The following LRP2 variants were observed in gnomAD, a reference collection of about 807,000 sequenced individuals.
LRP2 encodes low-density lipoprotein receptor-related protein 2.
Under a neutral mutation model 531.0 loss-of-function variants are expected in LRP2, and 172 were observed. The ratio of observed to expected loss-of-function variants is 0.32; its 90% CI spans 0.29 to 0.37. The LOEUF is 0.37. LRP2 is among the 10% of genes least tolerant of loss of function. LRP2 has a pLI of 1.00. For missense variants in LRP2, 5,167 were observed against 5,868.3 expected, an observed-to-expected ratio of 0.88 and a Z score of 3.90; for synonymous variants, 1,992 against 2,027.6, an observed-to-expected ratio of 0.98 and a Z score of 0.47.
At chr2:169,342,172 C>A (rs1252815495) in intron 1 of LRP2, among the ~76,000 whole-genome samples, 2 of 148,396 alleles carry the variant, frequency 1.3e-5, no homozygotes, top group East Asian at 2.0e-4. Context: ...AGACAGCAAG[C>A]TGGAAATTTT....
rs1040465664 is a variant in LRP2 at position 169,207,090 on chromosome 2, C to T, written c.6630G>A (p.Gly2210=). The T allele has an allele frequency of 2.5e-6, 4 of 1,613,104 alleles. No homozygotes were observed. The South Asian group carries it at 3.3e-5, about 13-fold the overall frequency. ...AAGAACGCTCAATCTTTGGTCTCTG[C>T]CCATAGTCAGCCCAGAAGAGGTATC... ...KNRYLFWADY[G]QRPKIERSFL... Residue 2210 remains glycine (G), a synonymous_variant, in exon 39 of 79, where the codon GGG becomes GGA. Transcript: ENST00000649046.
chr2:169,178,373 C>T (rs559764896), intron 52 of LRP2, among the ~76,000 whole-genome samples: 1 of 152,248 alleles, frequency 6.6e-6, no homozygotes, highest in South Asian at 2.1e-4. Flanking sequence ...CATTAAGCAC[C>T]CTTTTGATAT....
chr2:169,238,007 G>T, intron 27 of LRP2, 84 bp downstream of exon 27: 1 of 1,130,894 alleles, frequency 8.8e-7, no homozygotes. Context: ...GATGAGGTAG[G>T]GCCTTCTCTC....
At chr2:169,235,764 G>C (rs1689581836) in intron 29 of LRP2, 76 bp downstream of exon 29, 1 of 1,152,982 alleles carries the variant, frequency 8.7e-7, no homozygotes, top group Non-Finnish European at 1.3e-6. Context: ...TAATTTCTTA[G>C]CTTTTCTGAT....
rs1367796192 is a variant in LRP2, at chr2:169,185,666, T to C, written c.9682A>G (p.Asn3228Asp). 1 of 1,614,198 alleles carries C rather than the reference T, an allele frequency of 6.2e-7. No individual in the cohort carries two copies. Among genetic ancestry groups the C allele is most frequent in the Non-Finnish European group, 8.5e-7 (1 of 1,180,020 alleles). Residue 3228 changes from asparagine (N) to aspartate (D), a missense_variant, in exon 50 of 79, where the codon AAT (asparagine) becomes GAT (aspartate). Physicochemically the swap from Asn to Asp is conservative, Grantham distance 23. Coordinates refer to ENST00000649046, the MANE Select transcript of LRP2 (RefSeq NM_004525.3). ...FYSLILEGLDNVVALDFDRVE... is the reference protein window; with the variant it reads ...FYSLILEGLDDVVALDFDRVE... ...CGGTCAAAATCTAATGCCACAACAT[T>C]GTCCAGTCCTTCCAAGATGAGGGAG... is the stretch of plus-strand genomic sequence containing the variant.
intron 1 of LRP2, among the ~76,000 whole-genome samples, chr2:169,326,146 C>G (rs1685044973): frequency 1.4e-5 from 1 of 73,174 alleles, no homozygotes. Flanking sequence ...CTCCCTCTCC[C>G]TCTCCCTCTC....
intron 76 of LRP2, among the ~76,000 whole-genome samples, chr2:169,134,611 C>G (rs1685424703): frequency 6.6e-6 from 1 of 152,162 alleles, no homozygotes; most frequent in African/African-American, 2.4e-5. Context: ...ATCATTGAGG[C>G]TACCGCTCTG....
intron 1 of LRP2, among the ~76,000 whole-genome samples, chr2:169,353,626 T>G (rs1574283897): frequency 6.6e-6 from 1 of 152,294 alleles, no homozygotes; most frequent in East Asian, 1.9e-4. Flanking sequence ...GATTAAAATG[T>G]GGGTAGGATT....
intron 34 of LRP2, among the ~76,000 whole-genome samples, chr2:169,219,935 C>T (rs534486279): frequency 1.8e-4 from 27 of 152,254 alleles, no homozygotes; most frequent in African/African-American, 5.5e-4. Context: ...TGTTGTATCT[C>T]CCATGTGGTC....
At position 169,233,403 on chromosome 2, in the gene LRP2, T is replaced by A; in HGVS notation, c.5098+8A>T. 1 of 1,614,144 alleles carries A rather than the reference T, an allele frequency of 6.2e-7. No individual in the cohort carries two copies. Among genetic ancestry groups the A allele is most frequent in the Non-Finnish European group, 8.5e-7 (1 of 1,179,982 alleles). ...CTCCCAGGCAGGATGTTTCTCTGTA[T>A]CACTCACAATTTGGTTGTTTCGAAG... On this transcript the variant is annotated splice_region_variant and intron_variant, in intron 30 of 78. Coordinates refer to ENST00000649046, the MANE Select transcript of LRP2 (RefSeq NM_004525.3).
In LRP2 at chr2:169,279,488, T is replaced by A. The variant is rs774205061; in HGVS notation, c.1449A>T (p.Leu483=). The part of the protein sequence containing the change: ...AVDWVNNKIY[L]VETKVNRIDM... The stretch of plus-strand genomic sequence containing the variant: ...CTATGCGGTTGACCTTGGTTTCCAC[T>A]AGATAGATTTTATTATTAACCCAGT... The change falls in exon 12 of 79, where the codon CTA becomes CTT. Residue 483 remains leucine (L), a synonymous_variant. Coordinates refer to ENST00000649046, the MANE Select transcript of LRP2 (RefSeq NM_004525.3). The A allele has an allele frequency of 6.2e-7, 1 of 1,613,816 alleles. No individual in the cohort carries two copies.
At chr2:169,171,924 G>A in intron 58 of LRP2, 91 bp downstream of exon 58, 2 of 1,442,236 alleles carry the variant, frequency 1.4e-6, no homozygotes, top group Non-Finnish European at 1.9e-6. Context: ...TACCCATTGA[G>A]GATCAATGAC....
chr2:169,269,228 T>C (rs1285883343), intron 16 of LRP2, among the ~76,000 whole-genome samples: 1 of 152,164 alleles, frequency 6.6e-6, no homozygotes, highest in East Asian at 1.9e-4. Flanking sequence ...ACCAATGACT[T>C]TCTTCACAGA....
At chr2:169,169,632 G>C in intron 60 of LRP2, 70 bp downstream of exon 60, 1 of 1,165,434 alleles carries the variant, frequency 8.6e-7, no homozygotes, top group East Asian at 2.3e-5. Context: ...AAGCGGCAGC[G>C]GACTGATGTC....
chr2:169,247,667 C>A, intron 19 of LRP2, 152 bp from the exon 20 acceptor site: 5 of 817,244 alleles, frequency 6.1e-6, no homozygotes, highest in East Asian at 2.7e-5. Context: ...CCATTTTCCA[C>A]GACTTGTTAC....
At position 169,230,161 on chromosome 2, in the gene LRP2, A is replaced by T. The variant is rs371649247; in HGVS notation, c.5227+1553T>A. On this transcript the variant is annotated intron_variant, in intron 31 of 78. Coordinates refer to ENST00000649046, the MANE Select transcript of LRP2 (RefSeq NM_004525.3). ...ATCATCAGAGAGTAATATTGATTAC[A>T]CCAACCCCCAATGTGCAATTCAACA... 5.9e-5 allele frequency among the ~76,000 whole-genome samples: 9 copies of T among 152,372 alleles called. No individual in the cohort carries two copies. In the East Asian group the frequency reaches 1.2e-3, roughly 20 times the overall value.
intron 36 of LRP2, 147 bp from the exon 37 acceptor site, chr2:169,212,354 T>A: frequency 1.1e-6 from 1 of 949,876 alleles, no homozygotes; most frequent in Non-Finnish European, 1.6e-6. Flanking sequence ...AAAAACAACA[T>A]CGGAGAGACT....
chr2:169,162,999 A>G lies in LRP2; in HGVS notation c.11759-399T>C, dbSNP rs558636728. ...TCAGGATATGCTGGTTGCAACAGCT[A>G]GTATTAATTACTCCGAATAACATAG... On this transcript the variant is annotated intron_variant, in intron 62 of 78. Transcript: ENST00000649046. Among the ~76,000 whole-genome samples the G allele has an allele frequency of 3.3e-5, 5 of 152,382 alleles. No homozygotes were observed. In the South Asian group the frequency reaches 1.0e-3, roughly 32 times the overall value.
intron 56 of LRP2, among the ~76,000 whole-genome samples, 155 bp downstream of exon 56, chr2:169,173,764 T>C (rs1259789431): frequency 6.6e-6 from 1 of 152,232 alleles, no homozygotes; most frequent in Non-Finnish European, 1.5e-5. Context: ...CACACAGCTA[T>C]ACTCTGCCTT....
Sources: gnomAD v4.1 joint callset for allele counts (sites outside exome capture counted in the v4.1 genomes callset) on GRCh38, gnomAD v4.1.1 for gene constraint, MANE v1.5 for transcripts, NCBI Gene and HGNC (gene_info 2026-07-23, HGNC 2026-07-21) for gene names.